Variants in ROBO1 observed in about 807,000 individuals in gnomAD.
ROBO1 encodes the protein roundabout homolog 1.
In ROBO1, 149 loss-of-function variants were observed where a neutral mutation model predicts 195.9. That is an observed-to-expected ratio of 0.76 (90% CI 0.67 to 0.87). The LOEUF is 0.87. ROBO1 is among the 40% of genes least tolerant of loss of function. The pLI is 0.00. For synonymous variants in ROBO1, 816 were observed against 733.2 expected, an observed-to-expected ratio of 1.11 and a Z score of -1.82; for missense variants, 1,933 against 2,068.3, an observed-to-expected ratio of 0.93 and a Z score of 1.27.
At chr3:79,494,194 A>T (rs931694445) in intron 2 of ROBO1, among the ~76,000 whole-genome samples, 9 of 152,156 alleles carry the variant, frequency 5.9e-5, no homozygotes, top group Non-Finnish European at 2.9e-5. Context: ...TTTTTCAGCA[A>T]AAAAGGTGAA....
intron 4 of ROBO1, among the ~76,000 whole-genome samples, chr3:78,797,025 C>G (rs1225539034): frequency 6.6e-6 from 1 of 152,172 alleles, no homozygotes; most frequent in East Asian, 1.9e-4. Flanking sequence ...ATTTCTTTTG[C>G]TTAGCTAGCT....
intron 2 of ROBO1, among the ~76,000 whole-genome samples, chr3:79,266,990 T>C (rs747552484): frequency 2.7e-4 from 41 of 151,530 alleles, no homozygotes; most frequent in South Asian, 2.1e-4. Flanking sequence ...TTGGATTATT[T>C]AGTCCCTCTT....
At chr3:79,547,131 G>C (rs897152219) in intron 2 of ROBO1, among the ~76,000 whole-genome samples, 1 of 131,210 alleles carries the variant, frequency 7.6e-6, no homozygotes, top group Non-Finnish European at 1.5e-5. Context: ...CTTGCAGTGA[G>C]CCGAGATCGT....
intron 3 of ROBO1, among the ~76,000 whole-genome samples, chr3:78,971,259 G>A (rs1442991350): frequency 6.6e-6 from 1 of 152,020 alleles, no homozygotes; most frequent in Non-Finnish European, 1.5e-5. Context: ...CATGGTGGTG[G>A]GCATCTGTAG....
chr3:79,508,523 T>C (rs1940532852), intron 2 of ROBO1, among the ~76,000 whole-genome samples: 1 of 152,218 alleles, frequency 6.6e-6, no homozygotes, highest in South Asian at 2.1e-4. Context: ...TGAACTACCA[T>C]TGCTCAATAG....
At chr3:79,103,437 G>A (rs1417541176) in intron 3 of ROBO1, among the ~76,000 whole-genome samples, 1 of 151,764 alleles carries the variant, frequency 6.6e-6, no homozygotes, top group East Asian at 1.9e-4. Flanking sequence ...TATCTCCAGT[G>A]GAACAGAAGT....
intron 3 of ROBO1, among the ~76,000 whole-genome samples, chr3:78,946,164 A>G (rs1218928000): frequency 2.6e-5 from 4 of 152,174 alleles, no homozygotes; most frequent in Non-Finnish European, 5.9e-5. Context: ...TTCAGGAAAT[A>G]CAGAGAACAC....
intron 2 of ROBO1, among the ~76,000 whole-genome samples, chr3:79,493,904 T>C (rs1339848155): frequency 6.6e-6 from 1 of 152,178 alleles, no homozygotes; most frequent in Non-Finnish European, 1.5e-5. Flanking sequence ...TATTACTAAC[T>C]ATAGTTACCC....
chr3:79,564,277 G>A (rs1009040738), intron 2 of ROBO1, among the ~76,000 whole-genome samples: 1 of 151,978 alleles, frequency 6.6e-6, no homozygotes, highest in African/African-American at 2.4e-5. Context: ...CACTACCTAA[G>A]AGTGTAGGCT....
chr3:79,722,678 TTTTG>T (rs527701038), intron 1 of ROBO1, among the ~76,000 whole-genome samples: 8 of 152,310 alleles, frequency 5.3e-5, no homozygotes, highest in South Asian at 2.1e-4. Context: ...CAGCAGTTGG[TTTTG>T]TTTTTCTTAT....
intron 1 of ROBO1, among the ~76,000 whole-genome samples, chr3:79,668,503 T>C (rs1000588926): frequency 1.3e-5 from 2 of 151,532 alleles, no homozygotes; most frequent in Non-Finnish European, 1.5e-5. Context: ...TAATTAGAAG[T>C]TATTAAGAAT....
At position 78,647,651 on chromosome 3, in the gene ROBO1, C is replaced by A; in HGVS notation, c.2817G>T (p.Pro939=). 3 of 1,611,048 alleles carry A rather than the reference C, an allele frequency of 1.9e-6. No individual in the cohort carries two copies. Among genetic ancestry groups the A allele is most frequent in the Non-Finnish European group, 2.5e-6 (3 of 1,177,704 alleles). ...TACCTGTTGGTGTGAAGGTAAAAGA[C>A]GGGACTGAAAAATCAAAACAAAATA... The part of the protein sequence containing the change: ...TSTYAGIRKV[P]SFTFTPTVTY... Residue 939 remains proline (P), a synonymous_variant, in exon 20 of 31, where the codon CCG becomes CCT. Coordinates refer to ENST00000464233, the MANE Select transcript of ROBO1 (RefSeq NM_002941.4).
At chr3:78,903,541 T>C (rs1257678808) in intron 4 of ROBO1, among the ~76,000 whole-genome samples, 3 of 146,032 alleles carry the variant, frequency 2.1e-5, no homozygotes, top group African/African-American at 7.9e-5. Context: ...ACTGGGACAA[T>C]AAAAGAAGTA....
chr3:79,648,926 T>C (rs1945916350), intron 1 of ROBO1, among the ~76,000 whole-genome samples: 1 of 152,076 alleles, frequency 6.6e-6, no homozygotes, highest in South Asian at 2.1e-4. Context: ...ATCATCAAAG[T>C]ACATTGAGAA....
intron 5 of ROBO1, among the ~76,000 whole-genome samples, chr3:78,740,600 T>G (rs975719821): frequency 1.3e-5 from 2 of 151,756 alleles, no homozygotes; most frequent in Admixed American, 6.6e-5. Context: ...GACTCCCGAG[T>G]AGCTGGGATT....
chr3:79,710,312 T>C (rs952986972), intron 1 of ROBO1, among the ~76,000 whole-genome samples: 1 of 152,092 alleles, frequency 6.6e-6, no homozygotes, highest in Non-Finnish European at 1.5e-5. Flanking sequence ...GGACATCTTG[T>C]AGTGAAACTG....
rs190391750 is a variant in ROBO1 at position 79,512,478 on chromosome 3, C to T, written c.88+77346G>A. On this transcript the variant is annotated intron_variant, in intron 2 of 30. Coordinates refer to ENST00000464233, the MANE Select transcript of ROBO1 (RefSeq NM_002941.4). Reference sequence around the variant, plus strand: ...TTCTCCCAAACCTGCGAACTCGTTACGTGCTGTGCAACTAAACTTCTGCTG... The same window carrying T: ...TTCTCCCAAACCTGCGAACTCGTTATGTGCTGTGCAACTAAACTTCTGCTG... 6.3e-3 allele frequency among the ~76,000 whole-genome samples: 963 copies of T among 152,264 alleles called. 9 individuals carry two copies. The highest frequency in any genetic ancestry group is 9.5e-3 in the Non-Finnish European group (648 of 68,012).
intron 3 of ROBO1, among the ~76,000 whole-genome samples, chr3:79,035,547 T>C (rs2078367602): frequency 6.6e-6 from 1 of 151,810 alleles, no homozygotes; most frequent in Non-Finnish European, 1.5e-5. Flanking sequence ...TAGTGAGACC[T>C]CATCTCTACA....
chr3:78,698,785 C>T (rs1261053107), intron 8 of ROBO1, among the ~76,000 whole-genome samples: 1 of 152,178 alleles, frequency 6.6e-6, no homozygotes. Flanking sequence ...CCCATATATA[C>T]AAAGTACCTT....
Sources: allele counts gnomAD v4.1 joint callset (sites outside exome capture counted in the v4.1 genomes callset), GRCh38; gene constraint gnomAD v4.1.1; transcripts MANE v1.5; gene names NCBI Gene and HGNC (gene_info 2026-07-23, HGNC 2026-07-21).